NLRP8: variants seen among roughly 807,000 people sequenced by gnomAD.
The protein encoded by NLRP8 is NLR family pyrin domain containing 8, also known as NACHT, LRR and PYD domains-containing protein 8.
A neutral mutation model predicts 88.7 loss-of-function variants in NLRP8; 86 were observed. The ratio of observed to expected loss-of-function variants is 0.97; its 90% CI spans 0.81 to 1.16. The LOEUF is 1.16. NLRP8 is among the 50% of genes most tolerant of loss of function. The pLI is 0.00. For synonymous variants in NLRP8, 504 were observed against 494.6 expected (o/e 1.02, Z -0.25); for missense variants, 1,342 against 1,286.5 (o/e 1.04, Z -0.66).
chr19:55,969,150 G>A (rs1163679002), intron 5 of NLRP8, among the ~76,000 whole-genome samples: 1 of 152,062 alleles, frequency 6.6e-6, no homozygotes, highest in Admixed American at 6.6e-5. Context: ...GGTGATTTTT[G>A]GTTACATGGA....
rs777036063 is a variant in NLRP8, at chr19:55,955,946, C to CAT, written c.1890_1891dup (p.Lys631IlefsTer5). On this transcript the variant is annotated frameshift_variant, in exon 3 of 10. Coordinates refer to ENST00000291971, the MANE Select transcript of NLRP8 (RefSeq NM_176811.2). LOFTEE classifies it high-confidence loss of function. ...TGTAAGCCAAGCCCTAAATGATTAT[C>CAT]ATAAAGTTGTCTTGAGAATTGGCAA... The CAT allele has an allele frequency of 6.2e-7, 1 of 1,614,150 alleles. No homozygotes were observed. The highest frequency in any genetic ancestry group is 1.1e-5 in the South Asian group (1 of 91,072).
At chr19:55,949,228 G>C (rs1354643579) in intron 1 of NLRP8, among the ~76,000 whole-genome samples, 1 of 151,932 alleles carries the variant, frequency 6.6e-6, no homozygotes, top group Non-Finnish European at 1.5e-5. Flanking sequence ...TTTTATCATA[G>C]ATCGGTATGT....
Position 55,960,861 on chromosome 19 carries a change from C to T in NLRP8, c.2043-1206C>T, listed in dbSNP as rs186087015. Among the ~76,000 whole-genome samples, 75 of 151,222 alleles carry T rather than the reference C, an allele frequency of 5.0e-4. 1 individual carries two copies. Among genetic ancestry groups the T allele is most frequent in the South Asian group, 4.8e-3 (23 of 4,780 alleles). ...GCTAGAGATGATTAAACTATTTCCC[C>T]CTTGACATACTTTTGGGTTGCTTTC... On this transcript the variant is annotated intron_variant, in intron 3 of 9. Transcript: ENST00000291971.
rs763865794 is a variant in NLRP8 at position 55,973,666 on chromosome 19, A to G, written c.2549A>G (p.Asn850Ser). Residue 850 changes from asparagine (N) to serine (S), a missense_variant, in exon 7 of 10, where the codon AAC becomes AGC. Physicochemically the swap from Asn to Ser is conservative, Grantham distance 46. Coordinates refer to ENST00000291971, the MANE Select transcript of NLRP8 (RefSeq NM_176811.2). The stretch of plus-strand genomic sequence containing the variant: ...CTCTCCCATAGGATAGAGAACTGCA[A>G]CCTTACACAGCTTACTTGTGAAAGC... 65 of 1,612,616 alleles carry G rather than the reference A, an allele frequency of 4.0e-5. No homozygotes were observed. Among genetic ancestry groups the G allele is most frequent in the Non-Finnish European group, 4.6e-5 (54 of 1,178,968 alleles).
At position 55,966,238 on chromosome 19, in the gene NLRP8, T is replaced by C; in HGVS notation, c.2239T>C (p.Leu747=). The C allele has an allele frequency of 1.2e-6, 2 of 1,614,112 alleles. No homozygotes were observed. Among genetic ancestry groups the C allele is most frequent in the South Asian group, 1.1e-5 (1 of 91,080 alleles). ...CCTAAGGCGTGTGAATAGCACCATG[T>C]TGAACCAGGACTTAATCGGTGTTTT... Residue 747 remains leucine (L), a synonymous_variant, in exon 5 of 10, where the codon TTG becomes CTG. Coordinates refer to ENST00000291971, the MANE Select transcript of NLRP8 (RefSeq NM_176811.2).
chr19:55,988,005 C>T lies in NLRP8; in HGVS notation c.*92C>T, dbSNP rs1045182642. 23 of 952,630 alleles carry T rather than the reference C, an allele frequency of 2.4e-5. No individual in the cohort carries two copies. Among genetic ancestry groups the T allele is most frequent in the Middle Eastern group, 2.2e-4 (1 of 4,614 alleles). 59.0% of individuals were successfully genotyped at this position (952,630 alleles called of 1,614,324 possible). On this transcript the variant is annotated 3_prime_UTR_variant, in exon 10 of 10. Transcript: ENST00000291971. ...GGCGTTATCATCCTGTATGCATTAA[C>T]GTACTTTCCCCTGAAACAGAGCAAC... is the stretch of plus-strand genomic sequence containing the variant.
chr19:55,951,450 C>T (rs1979090596), intron 1 of NLRP8, among the ~76,000 whole-genome samples: 1 of 152,192 alleles, frequency 6.6e-6, no homozygotes, highest in Non-Finnish European at 1.5e-5. Context: ...AACTACCACA[C>T]ATAACAAGAA....
At chr19:55,966,836 T>C (rs1303586708) in intron 5 of NLRP8, among the ~76,000 whole-genome samples, 1 of 152,082 alleles carries the variant, frequency 6.6e-6, no homozygotes, top group African/African-American at 2.4e-5. Context: ...AAATAAAAAG[T>C]GCAATTTGAC....
At chr19:55,970,522 C>T (rs1336547056) in intron 5 of NLRP8, 22 bp from the exon 6 acceptor site, 1 of 1,612,700 alleles carries the variant, frequency 6.2e-7, no homozygotes, top group East Asian at 2.2e-5. Context: ...CATGGCTCAG[C>T]ATTTGTATCT....
At chr19:55,962,578 A>T (rs1979662588) in intron 4 of NLRP8, among the ~76,000 whole-genome samples, 1 of 152,152 alleles carries the variant, frequency 6.6e-6, no homozygotes, top group Non-Finnish European at 1.5e-5. Flanking sequence ...TCCCTGGTGC[A>T]CTTCAATGCG....
In NLRP8 at chr19:55,970,704, T is replaced by C. The variant is rs761612834; in HGVS notation, c.2534+8T>C. On this transcript the variant is annotated splice_region_variant and intron_variant, in intron 6 of 9. Coordinates refer to ENST00000291971, the MANE Select transcript of NLRP8 (RefSeq NM_176811.2). ...CCAGCTGGAGAGGCTGTCGTAAGTC[T>C]CCTTTCTAGTGGCTGTGGTTGTGGT... 3 of 1,613,902 alleles carry C rather than the reference T, an allele frequency of 1.9e-6. No homozygotes were observed. Among genetic ancestry groups the C allele is most frequent in the South Asian group, 2.2e-5 (2 of 91,050 alleles).
At chr19:55,967,531 T>C (rs1979898040) in intron 5 of NLRP8, among the ~76,000 whole-genome samples, 1 of 152,258 alleles carries the variant, frequency 6.6e-6, no homozygotes, top group Non-Finnish European at 1.5e-5. Context: ...TGAATCTCAT[T>C]CTTTTTCATG....
At chr19:55,985,725 A>C (rs116545229) in intron 9 of NLRP8, among the ~76,000 whole-genome samples, 1 of 152,212 alleles carries the variant, frequency 6.6e-6, no homozygotes, top group Admixed American at 6.5e-5. Context: ...GGAATTTTCA[A>C]ACACATTTGG....
chr19:55,960,608 T>C (rs372859591), intron 3 of NLRP8, among the ~76,000 whole-genome samples: 65 of 152,340 alleles, frequency 4.3e-4, no homozygotes, highest in African/African-American at 1.4e-3. Flanking sequence ...GGTTAGTCCA[T>C]TGATCACTTT....
intron 8 of NLRP8, among the ~76,000 whole-genome samples, chr19:55,977,579 T>C (rs1980406629): frequency 6.8e-6 from 1 of 147,424 alleles, no homozygotes; most frequent in Admixed American, 6.9e-5. Context: ...TGAAAATATA[T>C]AATGTATATA....
intron 7 of NLRP8, among the ~76,000 whole-genome samples, chr19:55,975,445 T>G (rs938240782): frequency 1.3e-5 from 2 of 151,976 alleles, no homozygotes; most frequent in Admixed American, 6.6e-5. Flanking sequence ...ACAAAAGAAA[T>G]AAAAACCCAC....
Position 55,952,707 on chromosome 19 carries a change from C to T in NLRP8, c.442+95C>T, listed in dbSNP as rs577318239. The T allele has an allele frequency of 1.0e-5, 9 of 903,424 alleles. No homozygotes were observed. The Admixed American group carries it at 1.5e-4, about 15-fold the overall frequency. 56.0% of individuals were successfully genotyped at this position (903,424 alleles called of 1,614,324 possible). On this transcript the variant is annotated intron_variant, in intron 2 of 9. Transcript: ENST00000291971. ...CTAAGGCAAGCCAGATTTTAAGTTA[C>T]CATGTCCAGTGTTTCTTCTACAATC...
rs747785817 is a variant in NLRP8, at chr19:55,955,097, A to C, written c.1039A>C (p.Lys347Gln). The change falls in exon 3 of 10, where the codon AAA becomes CAA. Residue 347 changes from lysine to glutamine, a missense_variant. By Grantham distance (53) the Lys-to-Gln change is moderately conservative. Transcript: ENST00000291971. Reference sequence around the variant, plus strand: ...TTGGCAGACATGCAAGCCCTTGCTGAAATGTCCCTCTCTCGTAACCCTTCC... The same window carrying C: ...TTGGCAGACATGCAAGCCCTTGCTGCAATGTCCCTCTCTCGTAACCCTTCC... 6.2e-7 allele frequency: 1 copy of C among 1,614,122 alleles called. No individual in the cohort carries two copies. The highest frequency in any genetic ancestry group is 1.1e-5 in the South Asian group (1 of 91,086).
rs899282994 is a variant in NLRP8 at position 55,959,420 on chromosome 19, G to C, written c.2043-2647G>C. ...GTAGAGACGGGGTTTCACCCTGTTA[G>C]CCAGAATGGTCTTGATCTCCTGACC... On this transcript the variant is annotated intron_variant, in intron 3 of 9. Transcript: ENST00000291971. Among the ~76,000 whole-genome samples, 3 of 151,340 alleles carry C rather than the reference G, an allele frequency of 2.0e-5. No homozygotes were observed. In the East Asian group the frequency reaches 5.9e-4, roughly 30 times the overall value.
Sources: allele counts gnomAD v4.1 joint callset (sites outside exome capture counted in the v4.1 genomes callset), GRCh38; gene constraint gnomAD v4.1.1; transcripts MANE v1.5; gene names NCBI Gene and HGNC (gene_info 2026-07-23, HGNC 2026-07-21).